The following ASB5 variants were observed in gnomAD, a reference collection of about 807,000 sequenced individuals.
ASB5 encodes ankyrin repeat and SOCS box containing 5.
In ASB5, 45 loss-of-function variants were observed where a neutral mutation model predicts 42.1. The observed-to-expected ratio is 1.07, with a 90% CI of 0.84 to 1.37. The LOEUF (loss-of-function observed/expected upper bound fraction) is 1.37, where lower values mean the gene tolerates loss of function less well. ASB5 is among the 40% of genes most tolerant of loss of function. The pLI is 0.00. For synonymous variants in ASB5, 147 were observed against 150.6 expected (o/e 0.98, Z 0.18); for missense variants, 402 against 399.8 (o/e 1.01, Z -0.05).
intron 1 of ASB5, among the ~76,000 whole-genome samples, chr4:176,251,743 A>C (rs928724841): frequency 2.0e-5 from 3 of 151,678 alleles, no homozygotes; most frequent in Admixed American, 2.0e-4. Context: ...ACTTGAATAC[A>C]TTAGCAGCCA....
chr4:176,239,131 T>C (rs1753758231), intron 1 of ASB5, among the ~76,000 whole-genome samples: 1 of 152,102 alleles, frequency 6.6e-6, no homozygotes, highest in African/African-American at 2.4e-5. Flanking sequence ...CATTCCTAGG[T>C]GAAGTTAGAA....
At position 176,214,413 on chromosome 4, in the gene ASB5, A is replaced by C. The variant is rs1358032832; in HGVS notation, c.*1187T>G. The C allele has an allele frequency of 3.3e-5, 5 of 152,138 alleles. No individual in the cohort carries two copies. The highest frequency in any genetic ancestry group is 7.4e-5 in the Non-Finnish European group (5 of 68,018). 9.4% of individuals were successfully genotyped at this position (152,138 alleles called of 1,614,324 possible). On this transcript the variant is annotated 3_prime_UTR_variant, in exon 7 of 7. Coordinates refer to ENST00000296525, the MANE Select transcript of ASB5 (RefSeq NM_080874.4). ...GCCCTGAATTACAAAACAGGCATAAAATTTTATTAAGTTTTTTATTGCACT... is the reference window on the plus strand; with the variant it reads ...GCCCTGAATTACAAAACAGGCATAACATTTTATTAAGTTTTTTATTGCACT...
chr4:176,257,501 C>T (rs17062680), intron 1 of ASB5, among the ~76,000 whole-genome samples: 1 of 152,160 alleles, frequency 6.6e-6, no homozygotes, highest in Non-Finnish European at 1.5e-5. Context: ...CCAAACTCTG[C>T]ATTACTTTGC....
chr4:176,237,978 T>C (rs182021060), intron 1 of ASB5, among the ~76,000 whole-genome samples: 32 of 152,264 alleles, frequency 2.1e-4, no homozygotes, highest in Admixed American at 1.4e-3. Context: ...TCCCAGCACC[T>C]TGGGAGGCCG....
At chr4:176,261,924 AT>A (rs1754274358) in intron 1 of ASB5, among the ~76,000 whole-genome samples, 1 of 150,848 alleles carries the variant, frequency 6.6e-6, no homozygotes. Flanking sequence ...TATATTATAT[AT>A]TAGTTATGTA....
intron 2 of ASB5, 132 bp from the exon 3 acceptor site, chr4:176,222,552 G>A (rs1028267986): frequency 1.1e-5 from 9 of 796,984 alleles, no homozygotes; most frequent in Non-Finnish European, 1.8e-5. Flanking sequence ...CAGTTTAGCA[G>A]GATAGGCCAG....
intron 1 of ASB5, among the ~76,000 whole-genome samples, chr4:176,238,207 A>C (rs1250012238): frequency 2.4e-4 from 1 of 4,176 alleles, no homozygotes; most frequent in East Asian, 4.9e-3. Context: ...ACTCCGTCTC[A>C]AAAAAAAAAA....
intron 1 of ASB5, chr4:176,241,357 GA>G (rs145396523): frequency 2.4e-5 from 22 of 900,196 alleles, no homozygotes; most frequent in South Asian, 5.9e-5. Flanking sequence ...CCCATCCTTA[GA>G]AAAAAAATGA....
chr4:176,242,849 A>T (rs1213765270), intron 1 of ASB5, among the ~76,000 whole-genome samples: 1 of 151,912 alleles, frequency 6.6e-6, no homozygotes, highest in Non-Finnish European at 1.5e-5. Flanking sequence ...CTTCCAAATA[A>T]TTTTTTTTCT....
chr4:176,256,390 C>T (rs1404745317), intron 1 of ASB5, among the ~76,000 whole-genome samples: 2 of 152,152 alleles, frequency 1.3e-5, no homozygotes, highest in Admixed American at 6.5e-5. Flanking sequence ...GAGGCTTAGC[C>T]ACCTTCAGAC....
chr4:176,273,803 T>C (rs1754516938), upstream of ASB5, among the ~76,000 whole-genome samples: 1 of 152,258 alleles, frequency 6.6e-6, no homozygotes, highest in Admixed American at 6.5e-5. Context: ...TAGTTCTGCA[T>C]ATATAAGAGT....
At chr4:176,245,363 G>A (rs1423950608) in intron 1 of ASB5, among the ~76,000 whole-genome samples, 1 of 152,186 alleles carries the variant, frequency 6.6e-6, no homozygotes, top group Non-Finnish European at 1.5e-5. Context: ...TCTCACACCA[G>A]TTAGAATGGC....
intron 2 of ASB5, 30 bp from the exon 3 acceptor site, chr4:176,222,450 C>A: frequency 6.4e-7 from 1 of 1,551,106 alleles, no homozygotes; most frequent in Non-Finnish European, 8.9e-7. Flanking sequence ...GAAAGGTGAG[C>A]AAAGAGTTAT....
chr4:176,219,869 T>G (rs1200487034), intron 5 of ASB5, among the ~76,000 whole-genome samples: 1 of 151,652 alleles, frequency 6.6e-6, no homozygotes, highest in Non-Finnish European at 1.5e-5. Context: ...AAACCCAGTA[T>G]AAAATGTTTG....
At chr4:176,255,563 G>A (rs948118164) in intron 1 of ASB5, among the ~76,000 whole-genome samples, 24 of 152,174 alleles carry the variant, frequency 1.6e-4, no homozygotes, top group African/African-American at 5.1e-4. Context: ...TTGCAGCAAC[G>A]TGGATGCAGC....
intron 1 of ASB5, among the ~76,000 whole-genome samples, chr4:176,237,771 C>G (rs1252147876): frequency 3.9e-5 from 6 of 152,150 alleles, no homozygotes; most frequent in Non-Finnish European, 8.8e-5. Flanking sequence ...TGAGCTCTAT[C>G]GTTAAAAGAT....
chr4:176,260,882 G>A (rs1754256028), intron 1 of ASB5, among the ~76,000 whole-genome samples: 1 of 152,064 alleles, frequency 6.6e-6, no homozygotes, highest in African/African-American at 2.4e-5. Flanking sequence ...TCACCTTGCT[G>A]GCCAAGATGG....
intron 1 of ASB5, among the ~76,000 whole-genome samples, chr4:176,229,791 T>A (rs1753479016): frequency 6.6e-6 from 1 of 152,232 alleles, no homozygotes; most frequent in Non-Finnish European, 1.5e-5. Context: ...GAAACGAGTT[T>A]TGAATGTTGG....
chr4:176,256,665 G>A (rs879320409), intron 1 of ASB5, among the ~76,000 whole-genome samples: 6 of 152,268 alleles, frequency 3.9e-5, no homozygotes, highest in Non-Finnish European at 7.4e-5. Context: ...TTTGCCAGGC[G>A]TGGTGGCTCA....
Sources: gnomAD v4.1 joint callset for allele counts (sites outside exome capture counted in the v4.1 genomes callset) on GRCh38, gnomAD v4.1.1 for gene constraint, MANE v1.5 for transcripts, NCBI Gene and HGNC (gene_info 2026-07-23, HGNC 2026-07-21) for gene names.